Variants in AP1G1 observed in about 807,000 individuals in gnomAD.
AP1G1 encodes AP-1 complex subunit gamma-1.
A neutral mutation model predicts 108.3 loss-of-function variants in AP1G1; 7 were observed. That is an observed-to-expected ratio of 0.06 (90% confidence interval 0.04 to 0.12). The LOEUF is 0.12. Ranked by LOEUF, AP1G1 falls within the 10% of genes least tolerant of loss-of-function variation. The pLI is 1.00. For missense variants in AP1G1, 756 were observed against 1,010.7 expected, an observed-to-expected ratio of 0.75 and a Z score of 3.42; for synonymous variants, 379 against 353.5, an observed-to-expected ratio of 1.07 and a Z score of -0.81.
Position 71,782,110 on chromosome 16 carries a change from C to T in AP1G1, c.201+7169G>A, listed in dbSNP as rs573026412. Among the ~76,000 whole-genome samples the T allele has an allele frequency of 1.1e-4, 16 of 152,288 alleles. No individual in the cohort carries two copies. The South Asian group carries it at 3.1e-3, about 30-fold the overall frequency. ...GAAACTTCTCTATACAGAAGGAAGGCCATACTATTGCTAAGGAAAGGCAAT... is the reference window on the plus strand; with the variant it reads ...GAAACTTCTCTATACAGAAGGAAGGTCATACTATTGCTAAGGAAAGGCAAT... On this transcript the variant is annotated intron_variant, in intron 2 of 22. Transcript: ENST00000299980.
At chr16:71,775,238 G>A (rs2031737987) in intron 2 of AP1G1, among the ~76,000 whole-genome samples, 1 of 149,870 alleles carries the variant, frequency 6.7e-6, no homozygotes, top group African/African-American at 2.5e-5. Context: ...CAACATGTTG[G>A]CCAGGCTGGT....
intron 1 of AP1G1, among the ~76,000 whole-genome samples, chr16:71,797,016 T>A (rs199597084): frequency 2.7e-5 from 4 of 145,782 alleles, no homozygotes; most frequent in Admixed American, 2.1e-4. Context: ...AAAAAAAAAA[T>A]TATATATATA....
intron 1 of AP1G1, among the ~76,000 whole-genome samples, chr16:71,802,679 G>A (rs1312520532): frequency 2.6e-5 from 4 of 151,946 alleles, no homozygotes; most frequent in Admixed American, 1.3e-4. Flanking sequence ...GAGGTGAGCC[G>A]AGATCGCACC....
intron 12 of AP1G1, among the ~76,000 whole-genome samples, chr16:71,754,563 A>G (rs879170622): frequency 6.6e-6 from 1 of 152,202 alleles, no homozygotes; most frequent in Admixed American, 6.5e-5. Flanking sequence ...TTGGGACGCC[A>G]AGGAGGAAGG....
intron 1 of AP1G1, among the ~76,000 whole-genome samples, chr16:71,800,219 A>C (rs934838709): frequency 1.9e-4 from 20 of 102,896 alleles, no homozygotes; most frequent in African/African-American, 7.5e-4. Context: ...AAATACAAAA[A>C]AATTAGCCGG....
rs1289740843 is a variant in AP1G1 at position 71,779,984 on chromosome 16, AGTTTTTTTTT to A, written c.202-5402_202-5393del. Among the ~76,000 whole-genome samples, 347 of 147,228 alleles carry A rather than the reference AGTTTTTTTTT, an allele frequency of 2.4e-3. 1 individual carries two copies. Among genetic ancestry groups the A allele is most frequent in the African/African-American group, 7.5e-3 (298 of 39,558 alleles). ...ATTTAAAAACAAAAAATTTTGTTTC[AGTTTTTTTTT>A]GTTTTTTTTTTTTTTTTGAGACGAA... On this transcript the variant is annotated intron_variant, in intron 2 of 22. Transcript: ENST00000299980.
At chr16:71,785,623 G>A (rs925717726) in intron 2 of AP1G1, among the ~76,000 whole-genome samples, 19 of 144,966 alleles carry the variant, frequency 1.3e-4, no homozygotes, top group Admixed American at 9.7e-4. Flanking sequence ...GGTGGCTCAC[G>A]CCTGTAATCC....
At chr16:71,734,558 G>C in intron 22 of AP1G1, 51 bp downstream of exon 22, 3 of 1,420,300 alleles carry the variant, frequency 2.1e-6, no homozygotes, top group Non-Finnish European at 2.0e-6. Flanking sequence ...TTTATTTCGG[G>C]AAATATGCTT....
intron 2 of AP1G1, 84 bp downstream of exon 2, chr16:71,789,195 C>T (rs2032312931): frequency 1.5e-6 from 2 of 1,295,398 alleles, no homozygotes. Context: ...ATCAAAAGTA[C>T]CTCCCCACCA....
chr16:71,753,121 G>A lies in AP1G1; in HGVS notation c.1284+712C>T, dbSNP rs147825270. Among the ~76,000 whole-genome samples the A allele has an allele frequency of 3.4e-3, 523 of 152,166 alleles. 8 individuals are homozygous for A. Among genetic ancestry groups the A allele is most frequent in the African/African-American group, 0.012 (495 of 41,512 alleles). On this transcript the variant is annotated intron_variant, in intron 13 of 22. Coordinates refer to ENST00000299980, the MANE Select transcript of AP1G1 (RefSeq NM_001128.6). ...TTCCTTTACAGTAGCTACTTCTAGT[G>A]ACTTAATTAATGGAAATGGTTTTCT...
intron 16 of AP1G1, among the ~76,000 whole-genome samples, chr16:71,747,802 C>T (rs1054259644): frequency 3.3e-5 from 5 of 151,582 alleles, no homozygotes; most frequent in Admixed American, 1.3e-4. Context: ...GGCAAACAAA[C>T]GAAACACTTT....
chr16:71,748,258 T>C lies in AP1G1; in HGVS notation c.1618A>G (p.Thr540Ala), dbSNP rs1404298547. 6.2e-7 allele frequency: 1 copy of C among 1,613,804 alleles called. No homozygotes were observed. Among genetic ancestry groups the C allele is most frequent in the Admixed American group, 1.7e-5 (1 of 59,950 alleles). The change falls in exon 16 of 23, where the codon ACT (threonine) becomes GCT (alanine). Residue 540 changes from threonine (T) to alanine (A), a missense_variant. By Grantham distance (58) the Thr-to-Ala change is moderately conservative (BLOSUM62 0). Coordinates refer to ENST00000299980, the MANE Select transcript of AP1G1 (RefSeq NM_001128.6). ...IMKLSTRFTC[T>A]VNRIKKVVSI... is the part of the protein sequence containing the mutation. ...TGTTTCTTCAATACTCACTTTACAG[T>C]ACAAGTGAATCGAGTGGAAAGCTTC...
intron 1 of AP1G1, among the ~76,000 whole-genome samples, chr16:71,794,861 T>TTTTTTTTTTTTTTTTTTTTTTTTTC (rs2032527442): frequency 6.9e-6 from 1 of 144,300 alleles, no homozygotes; most frequent in Non-Finnish European, 1.5e-5. Context: ...TTTTTTTTTT[T>TTTTTTTTTTTTTTTTTTTTTTTTTC]TTTACTTTGA....
At chr16:71,746,718 A>C in intron 16 of AP1G1, 26 bp from the exon 17 acceptor site, 1 of 1,534,808 alleles carries the variant, frequency 6.5e-7, no homozygotes, top group Non-Finnish European at 9.0e-7. Context: ...CAAACGAAAT[A>C]AAATACCCAA....
At chr16:71,745,710 T>G in intron 17 of AP1G1, 96 bp from the exon 18 acceptor site, 1 of 1,011,282 alleles carries the variant, frequency 9.9e-7, no homozygotes, top group African/African-American at 1.6e-5. Context: ...AGCATGGAGA[T>G]CTATCTCCCC....
At chr16:71,761,661 C>A in intron 9 of AP1G1, 94 bp from the exon 10 acceptor site, 1 of 912,462 alleles carries the variant, frequency 1.1e-6, no homozygotes, top group South Asian at 1.5e-5. Context: ...TCTGGTGCTT[C>A]ACAGACTGCT....
At chr16:71,755,639 A>ATTTTTTTT (rs765286895) in intron 12 of AP1G1, among the ~76,000 whole-genome samples, 1 of 150,144 alleles carries the variant, frequency 6.7e-6, no homozygotes, top group Non-Finnish European at 1.5e-5. Flanking sequence ...TAGTTTCCCC[A>ATTTTTTTT]TTTTTTTTTT....
At chr16:71,774,682 G>T in intron 2 of AP1G1, 90 bp from the exon 3 acceptor site, 1 of 1,372,968 alleles carries the variant, frequency 7.3e-7, no homozygotes, top group Non-Finnish European at 9.9e-7. Context: ...TCCCCAGCTG[G>T]CTAAAGTAAA....
In AP1G1 at chr16:71,773,376, G is replaced by C. The variant is rs747122615; in HGVS notation, c.327-14C>G. The C allele has an allele frequency of 4.0e-6, 6 of 1,485,882 alleles. No homozygotes were observed. Among genetic ancestry groups the C allele is most frequent in the Admixed American group, 5.1e-5 (2 of 39,050 alleles). The allele number at this position is 1,485,882 out of a possible 1,614,324, so 92.0% of individuals were successfully genotyped here. ...TGATTAAGATCACTGCAAAAGAAAA[G>C]AGGAAGGTAGGAACAAGCCTGGTGC... is the stretch of plus-strand genomic sequence containing the variant. On this transcript the variant is annotated splice_polypyrimidine_tract_variant and intron_variant, in intron 3 of 22. Coordinates refer to ENST00000299980, the MANE Select transcript of AP1G1 (RefSeq NM_001128.6).
Sources: gnomAD v4.1 joint callset for allele counts (sites outside exome capture counted in the v4.1 genomes callset) on GRCh38, gnomAD v4.1.1 for gene constraint, MANE v1.5 for transcripts, NCBI Gene and HGNC (gene_info 2026-07-23, HGNC 2026-07-21) for gene names.